ALG14: variants seen among roughly 807,000 people sequenced by gnomAD.
ALG14 encodes ALG14 UDP-N-acetylglucosaminyltransferase subunit.
ALG14 carries 17 observed loss-of-function variants against 22.8 expected under a neutral mutation model. That is an observed-to-expected ratio of 0.75 (90% confidence interval 0.51 to 1.12). The LOEUF (loss-of-function observed/expected upper bound fraction) is 1.12. ALG14 is among the 50% of genes most tolerant of loss of function. The pLI is 0.00. For synonymous variants in ALG14, 89 were observed against 103.7 expected (o/e 0.86, Z 0.86); for missense variants, 288 against 271.8 (o/e 1.06, Z -0.42).
At chr1:95,003,187 A>C (rs1362378073) in intron 3 of ALG14, among the ~76,000 whole-genome samples, 1 of 152,240 alleles carries the variant, frequency 6.6e-6, no homozygotes, top group African/African-American at 2.4e-5. Context: ...CATAGGCTGA[A>C]TAAACATATT....
At position 94,982,980 on chromosome 1, in the gene ALG14, G is replaced by A; in HGVS notation, c.*96C>T. ...CCATCAATAATTCTCAGGACTGTCA[G>A]ACGCCTTTACAAGAAACATGTAGGG... On this transcript the variant is annotated 3_prime_UTR_variant, in exon 4 of 4. Transcript: ENST00000370205. 1.0e-6 allele frequency: 1 copy of A among 978,558 alleles called. No homozygotes were observed. The allele number at this position is 978,558 out of a possible 1,614,324, so 60.6% of individuals were successfully genotyped here. A position where few individuals can be genotyped will look rare whatever the true frequency, so the allele number is the denominator to read the frequency against.
intron 2 of ALG14, among the ~76,000 whole-genome samples, chr1:95,039,037 G>C (rs918931922): frequency 6.6e-6 from 1 of 152,148 alleles, no homozygotes; most frequent in Admixed American, 6.5e-5. Context: ...ATTATTCTTT[G>C]ATAAGGTAAA....
chr1:95,028,706 G>A (rs963978783), intron 2 of ALG14, among the ~76,000 whole-genome samples: 12 of 152,044 alleles, frequency 7.9e-5, no homozygotes, highest in African/African-American at 2.2e-4. Context: ...GGCTGAGGTA[G>A]GAGAATTGCT....
Position 94,980,066 on chromosome 1 carries a change from A to G in ALG14, c.*3010T>C, listed in dbSNP as rs1040121355. 1.9e-4 allele frequency: 29 copies of G among 152,140 alleles called. No individual in the cohort carries two copies. The highest frequency in any genetic ancestry group is 6.3e-4 in the African/African-American group (26 of 41,434). 9.4% of individuals were successfully genotyped at this position (152,140 alleles called of 1,614,324 possible). On this transcript the variant is annotated 3_prime_UTR_variant, in exon 4 of 4. Coordinates refer to ENST00000370205, the MANE Select transcript of ALG14 (RefSeq NM_144988.4). ...GGGGGATGGGGCTTTTCAGAAAAAA[A>G]AAAAAGCACTCATTCAACCCAAGGA...
rs1245400459 is a variant in ALG14 at position 94,983,170 on chromosome 1, T to C, written c.557A>G (p.Lys186Arg). ...CRVETLSMSG[K>R]ILFHLSDYFI... ...GTAATCTGAGAGATGAAACAGAATC[T>C]TTCCGGACATGGATAACGTTTCTAC... is the stretch of plus-strand genomic sequence containing the variant. Residue 186 changes from lysine to arginine, a missense_variant, in exon 4 of 4, where the codon AAG becomes AGG. By Grantham distance (26) the Lys-to-Arg change is conservative. Coordinates refer to ENST00000370205, the MANE Select transcript of ALG14 (RefSeq NM_144988.4). 3.7e-6 allele frequency: 6 copies of C among 1,614,050 alleles called. No individual in the cohort carries two copies. The African/African-American group carries it at 4.0e-5, about 11-fold the overall frequency.
chr1:95,023,058 C>T (rs1255850982), intron 3 of ALG14, among the ~76,000 whole-genome samples: 1 of 151,728 alleles, frequency 6.6e-6, no homozygotes, highest in Non-Finnish European at 1.5e-5. Flanking sequence ...GTTTGTGGCT[C>T]ACCACAGAAA....
chr1:95,066,959 A>G (rs901698162), intron 1 of ALG14: 4 of 152,214 alleles, frequency 2.6e-5, no homozygotes, highest in African/African-American at 7.2e-5. Context: ...AACATCTTCC[A>G]CTACAATTAA....
intron 3 of ALG14, among the ~76,000 whole-genome samples, chr1:94,988,609 A>C (rs1672697188): frequency 1.3e-5 from 2 of 152,208 alleles, no homozygotes; most frequent in South Asian, 4.1e-4. Flanking sequence ...GGAATGAATG[A>C]TCTACATGTG....
chr1:95,066,239 C>A (rs1017504529), intron 1 of ALG14, among the ~76,000 whole-genome samples: 4 of 152,108 alleles, frequency 2.6e-5, no homozygotes, highest in Non-Finnish European at 5.9e-5. Context: ...CTCACCTCCC[C>A]CCAGGTGGAG....
rs1213590030 is a variant in ALG14, at chr1:94,983,058, G to T, written c.*18C>A. ...CTACTGTTAACTGCAAAATTCTAAA[G>T]AAGTCAGTTGCCATTTGTCAAACAA... On this transcript the variant is annotated 3_prime_UTR_variant, in exon 4 of 4. Coordinates refer to ENST00000370205, the MANE Select transcript of ALG14 (RefSeq NM_144988.4). The T allele has an allele frequency of 6.8e-6, 11 of 1,610,298 alleles. No homozygotes were observed. Among genetic ancestry groups the T allele is most frequent in the Non-Finnish European group, 9.3e-6 (11 of 1,176,798 alleles).
chr1:94,989,632 C>A (rs961367403), intron 3 of ALG14, among the ~76,000 whole-genome samples: 1 of 152,214 alleles, frequency 6.6e-6, no homozygotes, highest in African/African-American at 2.4e-5. Flanking sequence ...CCAGCTGCAG[C>A]GTTCACTGTC....
chr1:95,006,932 T>G (rs1175445805), intron 3 of ALG14, among the ~76,000 whole-genome samples: 1 of 152,242 alleles, frequency 6.6e-6, no homozygotes, highest in Non-Finnish European at 1.5e-5. Context: ...CCTCTGAACA[T>G]GCTGCAATTT....
chr1:95,063,573 G>A (rs1675244845), intron 2 of ALG14, among the ~76,000 whole-genome samples: 4 of 152,122 alleles, frequency 2.6e-5, no homozygotes, highest in Admixed American at 2.0e-4. Context: ...TTTTTGTCAG[G>A]TTTGTAGATC....
At position 95,027,258 on chromosome 1, in the gene ALG14, A is replaced by G. The variant is rs199810632; in HGVS notation, c.291T>C (p.Tyr97=). The part of the protein sequence containing the change: ...DRADRDPSNM[Y]TKYYIHRIPR... The stretch of plus-strand genomic sequence containing the variant: ...GAATTCGGTGAATGTAGTATTTGGT[A>G]TACTAGAAGGAAACAGATGGAATCC... The change falls in exon 3 of 4, where the codon TAT becomes TAC. Residue 97 remains tyrosine, a splice_region_variant and synonymous_variant. Coordinates refer to ENST00000370205, the MANE Select transcript of ALG14 (RefSeq NM_144988.4). The G allele has an allele frequency of 7.2e-4, 1,159 of 1,614,078 alleles. 29 individuals are homozygous for G. In the South Asian group the frequency reaches 0.012, roughly 17 times the overall value.
chr1:95,029,306 C>T (rs1673924185), intron 2 of ALG14, among the ~76,000 whole-genome samples: 2 of 152,192 alleles, frequency 1.3e-5, no homozygotes, highest in African/African-American at 4.8e-5. Flanking sequence ...TCTCATTATG[C>T]AACAGCTAGC....
At chr1:95,014,244 G>A (rs1206501503) in intron 3 of ALG14, among the ~76,000 whole-genome samples, 4 of 152,314 alleles carry the variant, frequency 2.6e-5, no homozygotes, top group Middle Eastern at 6.8e-3. Context: ...TGGGCGCTTT[G>A]AAGAGCGTTT....
chr1:95,041,300 C>G (rs1229422825), intron 2 of ALG14, among the ~76,000 whole-genome samples: 1 of 152,044 alleles, frequency 6.6e-6, no homozygotes, highest in Non-Finnish European at 1.5e-5. Context: ...CTATGTTAAG[C>G]CACCAGTTGT....
chr1:95,015,182 G>A (rs1465152304), intron 3 of ALG14, among the ~76,000 whole-genome samples: 1 of 152,182 alleles, frequency 6.6e-6, no homozygotes, highest in East Asian at 1.9e-4. Flanking sequence ...ATCAGAGGGT[G>A]TTAGCTGAGG....
At position 94,974,977 on chromosome 1, in the gene ALG14, C is replaced by T. The variant is rs1672367094; in HGVS notation, c.*8099G>A. On this transcript the variant is annotated 3_prime_UTR_variant, in exon 4 of 4. Transcript: ENST00000370205. Reference sequence around the variant, plus strand: ...TGCCTCCAGTGAGATGACTCAAAGTCTATACTAAGATGTGACTGTCAATTG... The same window carrying T: ...TGCCTCCAGTGAGATGACTCAAAGTTTATACTAAGATGTGACTGTCAATTG... The T allele has an allele frequency of 6.6e-6, 1 of 152,178 alleles. No homozygotes were observed. 9.4% of individuals were successfully genotyped at this position (152,178 alleles called of 1,614,324 possible). A position where few individuals can be genotyped will look rare whatever the true frequency, so the allele number is the denominator to read the frequency against.
Sources: allele counts gnomAD v4.1 joint callset (sites outside exome capture counted in the v4.1 genomes callset), GRCh38; gene constraint gnomAD v4.1.1; transcripts MANE v1.5; gene names NCBI Gene and HGNC (gene_info 2026-07-23, HGNC 2026-07-21).